MECOM: variants seen among roughly 807,000 people sequenced by gnomAD.
The protein encoded by MECOM is histone-lysine N-methyltransferase MECOM.
A neutral mutation model predicts 116.3 loss-of-function variants in MECOM; 13 were observed. That is an observed-to-expected ratio of 0.11 (90% CI 0.07 to 0.18). The LOEUF (loss-of-function observed/expected upper bound fraction) is 0.18, where lower values mean the gene tolerates loss of function less well. Among genes scored for constraint, MECOM ranks in the 10% least tolerant of loss-of-function variants. The pLI is 1.00. For missense variants in MECOM, 1,299 were observed against 1,509.0 expected (o/e 0.86, Z 2.31); for synonymous variants, 528 against 535.2 (o/e 0.99, Z 0.19).
intron 1 of MECOM, among the ~76,000 whole-genome samples, chr3:169,451,373 G>C (rs549796758): frequency 6.6e-6 from 1 of 152,278 alleles, no homozygotes; most frequent in East Asian, 1.9e-4. Flanking sequence ...AAATGAATAG[G>C]AATATGTACT....
rs534220465 is a variant in MECOM, at chr3:169,637,972, T to C, written c.37+25364A>G. 2.0e-5 allele frequency among the ~76,000 whole-genome samples: 3 copies of C among 152,246 alleles called. No homozygotes were observed. The East Asian group carries it at 5.8e-4, about 29-fold the overall frequency. On this transcript the variant is annotated intron_variant, in intron 1 of 16. Coordinates refer to ENST00000651503, the MANE Select transcript of MECOM (RefSeq NM_004991.4). The stretch of plus-strand genomic sequence containing the variant: ...CAAACAAATGATTAAAACTTCAACA[T>C]GGAATGCAGTAATAAAGAAGCAATG...
intron 1 of MECOM, among the ~76,000 whole-genome samples, chr3:169,576,392 G>A (rs1764499456): frequency 6.6e-6 from 1 of 152,196 alleles, no homozygotes; most frequent in Middle Eastern, 3.4e-3. Context: ...AAAAATCTCT[G>A]CAATTCATAG....
At chr3:169,246,675 C>T (rs1755625850) in intron 2 of MECOM, among the ~76,000 whole-genome samples, 1 of 152,050 alleles carries the variant, frequency 6.6e-6, no homozygotes, top group Non-Finnish European at 1.5e-5. Flanking sequence ...GCGCGTGCCA[C>T]CATGCCCAGC....
At chr3:169,345,466 C>T (rs989782792) in intron 2 of MECOM, among the ~76,000 whole-genome samples, 2 of 152,058 alleles carry the variant, frequency 1.3e-5, no homozygotes, top group African/African-American at 4.8e-5. Context: ...ACAAATATTG[C>T]TGCAATAGAT....
At chr3:169,474,646 T>C (rs1750068556) in intron 1 of MECOM, among the ~76,000 whole-genome samples, 1 of 152,182 alleles carries the variant, frequency 6.6e-6, no homozygotes, top group Non-Finnish European at 1.5e-5. Context: ...TGGCAGCCCA[T>C]GTTTTGTGTA....
In MECOM at chr3:169,260,843, C is replaced by T. The variant is rs549256425; in HGVS notation, c.376-117011G>A. Among the ~76,000 whole-genome samples, 64 of 152,310 alleles carry T rather than the reference C, an allele frequency of 4.2e-4. No homozygotes were observed. The South Asian group carries it at 0.012, about 28-fold the overall frequency. On this transcript the variant is annotated intron_variant, in intron 2 of 16. Transcript: ENST00000651503. ...GCAGGAGAAACAGATTTAGTTGTCA[C>T]TTGTCAATGAATATCATCACTGAAT...
chr3:169,227,465 T>C (rs1182473493), intron 2 of MECOM, among the ~76,000 whole-genome samples: 1 of 152,218 alleles, frequency 6.6e-6, no homozygotes, highest in African/African-American at 2.4e-5. Context: ...TAAATGTTTC[T>C]GAGAATTCTG....
chr3:169,130,512 A>G (rs1309690331), intron 4 of MECOM, among the ~76,000 whole-genome samples: 3 of 150,646 alleles, frequency 2.0e-5, no homozygotes, highest in Non-Finnish European at 4.4e-5. Context: ...CTCTTGTATA[A>G]CCTACAAAGA....
chr3:169,444,103 C>T (rs764483713), intron 1 of MECOM, among the ~76,000 whole-genome samples: 10 of 152,128 alleles, frequency 6.6e-5, no homozygotes, highest in Non-Finnish European at 1.3e-4. Context: ...TCTTTCCTAC[C>T]GTCTACTTCC....
intron 1 of MECOM, among the ~76,000 whole-genome samples, chr3:169,441,866 G>A (rs1385056694): frequency 1.3e-5 from 2 of 151,678 alleles, no homozygotes; most frequent in Admixed American, 1.3e-4. Context: ...GAGTAGCTGG[G>A]ATTACAGGCA....
intron 1 of MECOM, among the ~76,000 whole-genome samples, chr3:169,657,347 T>C (rs1285176582): frequency 2.6e-5 from 4 of 152,246 alleles, no homozygotes; most frequent in Admixed American, 6.5e-5. Context: ...TCACAATACA[T>C]ACAAATTGTG....
intron 1 of MECOM, among the ~76,000 whole-genome samples, chr3:169,480,289 C>CT (rs1751091569): frequency 6.6e-6 from 1 of 152,208 alleles, no homozygotes; most frequent in Non-Finnish European, 1.5e-5. Context: ...GCATTGGGCT[C>CT]TACCTGCTAG....
intron 1 of MECOM, among the ~76,000 whole-genome samples, chr3:169,408,933 T>C (rs1165595387): frequency 6.6e-6 from 1 of 152,176 alleles, no homozygotes; most frequent in Non-Finnish European, 1.5e-5. Flanking sequence ...TCCTCACAGC[T>C]AGCATGGTGT....
chr3:169,316,050 T>TA (rs375290480), intron 2 of MECOM, among the ~76,000 whole-genome samples: 1 of 152,204 alleles, frequency 6.6e-6, no homozygotes, highest in Non-Finnish European at 1.5e-5. Context: ...AGAAACTAAT[T>TA]AAAAAACAAT....
chr3:169,303,745 C>T (rs1163194058), intron 2 of MECOM, among the ~76,000 whole-genome samples: 1 of 152,214 alleles, frequency 6.6e-6, no homozygotes, highest in African/African-American at 2.4e-5. Flanking sequence ...GAATTGGAAG[C>T]TTTATGCACC....
chr3:169,200,422 A>C (rs1258868331), intron 2 of MECOM, among the ~76,000 whole-genome samples: 1 of 152,132 alleles, frequency 6.6e-6, no homozygotes, highest in Non-Finnish European at 1.5e-5. Flanking sequence ...ATTTTTTAAT[A>C]ACAGAAGACA....
Position 169,435,685 on chromosome 3 carries a change from G to C in MECOM, c.38-54161C>G, listed in dbSNP as rs144795471. ...TATATTTTCTTGCTGTAGACAATTA[G>C]AGGGCCAAAACTAGTGTCTTCTGTA... On this transcript the variant is annotated intron_variant, in intron 1 of 16. Transcript: ENST00000651503. Among the ~76,000 whole-genome samples the C allele has an allele frequency of 5.2e-3, 798 of 152,200 alleles. 6 individuals are homozygous for C. Among genetic ancestry groups the C allele is most frequent in the African/African-American group, 0.018 (757 of 41,518 alleles).
At chr3:169,256,158 A>G (rs897985423) in intron 2 of MECOM, among the ~76,000 whole-genome samples, 1 of 152,180 alleles carries the variant, frequency 6.6e-6, no homozygotes, top group Non-Finnish European at 1.5e-5. Flanking sequence ...ACTAACCTGC[A>G]GGGAATGTCA....
At chr3:169,215,317 A>T (rs1159235738) in intron 2 of MECOM, among the ~76,000 whole-genome samples, 1 of 150,698 alleles carries the variant, frequency 6.6e-6, no homozygotes, top group Non-Finnish European at 1.5e-5. Context: ...CCGACCTTGG[A>T]CAAGAAATGG....
Sources: gnomAD v4.1 joint callset for allele counts (sites outside exome capture counted in the v4.1 genomes callset) on GRCh38, gnomAD v4.1.1 for gene constraint, MANE v1.5 for transcripts, NCBI Gene and HGNC (gene_info 2026-07-23, HGNC 2026-07-21) for gene names.